Variants in ABI3BP observed in about 807,000 individuals in gnomAD.
ABI3BP encodes the protein ABI family member 3 binding protein.
In ABI3BP, 216 loss-of-function variants were observed where a neutral mutation model predicts 268.6. The observed-to-expected ratio is 0.80, with a 90% CI of 0.72 to 0.90. The LOEUF (loss-of-function observed/expected upper bound fraction) is 0.90. Ranked by LOEUF, ABI3BP falls within the 40% of genes least tolerant of loss-of-function variation. ABI3BP has a pLI of 0.00. For synonymous variants in ABI3BP, 730 were observed against 730.0 expected, an observed-to-expected ratio of 1.00 and a Z score of 0.00; for missense variants, 2,090 against 2,182.4, an observed-to-expected ratio of 0.96 and a Z score of 0.84.
intron 1 of ABI3BP, among the ~76,000 whole-genome samples, chr3:100,931,338 T>TATGGAAAG (rs2063556759): frequency 6.6e-6 from 1 of 151,134 alleles, no homozygotes; most frequent in Non-Finnish European, 1.5e-5. Flanking sequence ...ACTGGAAGTC[T>TATGGAAAG]TAGCTAGAGC....
intron 1 of ABI3BP, among the ~76,000 whole-genome samples, chr3:100,949,718 A>G (rs1273749918): frequency 6.6e-6 from 1 of 152,176 alleles, no homozygotes; most frequent in Non-Finnish European, 1.5e-5. Context: ...ATTGTTTGTG[A>G]GATCATTGCT....
chr3:100,765,708 A>T, intron 63 of ABI3BP, 133 bp downstream of exon 63: 1 of 675,110 alleles, frequency 1.5e-6, no homozygotes, highest in Non-Finnish European at 2.6e-6. Flanking sequence ...AGTGCTATAT[A>T]TAGAAAACCC....
At chr3:100,841,876 C>T (rs558354913) in intron 21 of ABI3BP, 122 bp downstream of exon 21, 18 of 819,572 alleles carry the variant, frequency 2.2e-5, no homozygotes, top group Admixed American at 1.2e-4. Flanking sequence ...GGCAAAAAAA[C>T]GAGAGTGAAA....
intron 55 of ABI3BP, 89 bp downstream of exon 55, chr3:100,792,601 GT>G (rs1317487930): frequency 3.0e-6 from 4 of 1,322,056 alleles, no homozygotes; most frequent in Non-Finnish European, 4.3e-6. Flanking sequence ...AATCCACTGT[GT>G]TGAGAAATGA....
chr3:100,789,570 A>G (rs772801985), intron 55 of ABI3BP, 54 bp from the exon 56 acceptor site: 10 of 1,525,488 alleles, frequency 6.6e-6, no homozygotes, highest in East Asian at 2.4e-5. Flanking sequence ...AGCCTCCTGA[A>G]TGGAGATTTA....
chr3:100,778,205 C>T, intron 59 of ABI3BP, 79 bp downstream of exon 59: 1 of 1,394,208 alleles, frequency 7.2e-7, no homozygotes, highest in Non-Finnish European at 1.0e-6. Context: ...GTGCCTGTTG[C>T]TAGCACGCCA....
intron 1 of ABI3BP, among the ~76,000 whole-genome samples, chr3:100,934,215 G>A (rs1417300203): frequency 1.3e-5 from 2 of 151,334 alleles, no homozygotes; most frequent in African/African-American, 4.9e-5. Context: ...TCCCACTTAT[G>A]ATTGAGAAAA....
chr3:100,830,699 T>C, intron 31 of ABI3BP, 65 bp from the exon 32 acceptor site: 1 of 1,332,470 alleles, frequency 7.5e-7, no homozygotes, highest in Non-Finnish European at 1.0e-6. Flanking sequence ...GGAACATTCA[T>C]CTTACCACCA....
intron 48 of ABI3BP, among the ~76,000 whole-genome samples, chr3:100,810,843 T>C (rs577748406): frequency 4.5e-4 from 69 of 152,226 alleles, no homozygotes; most frequent in Admixed American, 4.1e-3. Context: ...CAAATATAAA[T>C]AACTGTGATG....
intron 7 of ABI3BP, 130 bp from the exon 8 acceptor site, chr3:100,875,709 G>A: frequency 1.5e-6 from 1 of 670,116 alleles, no homozygotes; most frequent in Non-Finnish European, 2.7e-6. Flanking sequence ...CAACTCAGTG[G>A]CCTGGCTATA....
At chr3:100,799,533 G>T (rs2097458160) in intron 51 of ABI3BP, among the ~76,000 whole-genome samples, 1 of 152,156 alleles carries the variant, frequency 6.6e-6, no homozygotes, top group Admixed American at 6.6e-5. Context: ...GTTTCAGAGA[G>T]TGGGATTCTG....
chr3:100,811,207 G>A, intron 48 of ABI3BP, 23 bp downstream of exon 48: 1 of 1,528,630 alleles, frequency 6.5e-7, no homozygotes, highest in Non-Finnish European at 8.8e-7. Flanking sequence ...GAGCACCCAG[G>A]GTTGGGCTAC....
intron 40 of ABI3BP, among the ~76,000 whole-genome samples, chr3:100,819,671 G>T (rs1198703990): frequency 2.6e-5 from 4 of 152,040 alleles, no homozygotes; most frequent in African/African-American, 9.7e-5. Context: ...TAAATAAGAG[G>T]CCGGGCGTGG....
intron 63 of ABI3BP, among the ~76,000 whole-genome samples, chr3:100,765,353 T>A (rs939093859): frequency 6.6e-6 from 1 of 152,210 alleles, no homozygotes; most frequent in Non-Finnish European, 1.5e-5. Context: ...ATTTTATCCA[T>A]GATAAAAGGT....
intron 14 of ABI3BP, among the ~76,000 whole-genome samples, chr3:100,859,945 G>A (rs907156546): frequency 5.9e-5 from 9 of 152,276 alleles, no homozygotes; most frequent in Non-Finnish European, 1.2e-4. Context: ...GGTGGCAGGT[G>A]CCTGTAGTCT....
chr3:100,893,117 C>G (rs2045552405), intron 4 of ABI3BP, among the ~76,000 whole-genome samples: 1 of 152,210 alleles, frequency 6.6e-6, no homozygotes. Flanking sequence ...TCTGAGTCTT[C>G]TAGCTTCCAT....
chr3:100,988,569 T>G (rs529429467), intron 1 of ABI3BP, among the ~76,000 whole-genome samples: 165 of 152,238 alleles, frequency 1.1e-3, no homozygotes, highest in Non-Finnish European at 1.5e-3. Context: ...TCTATTTGGG[T>G]TTCTTATTCT....
intron 2 of ABI3BP, among the ~76,000 whole-genome samples, chr3:100,907,976 C>T (rs1008723297): frequency 2.0e-5 from 3 of 151,856 alleles, no homozygotes; most frequent in Admixed American, 6.6e-5. Flanking sequence ...ATTAGCCGGG[C>T]GTGGTGGTGG....
intron 55 of ABI3BP, among the ~76,000 whole-genome samples, chr3:100,790,561 A>C (rs1442990641): frequency 6.6e-6 from 1 of 152,008 alleles, no homozygotes; most frequent in Non-Finnish European, 1.5e-5. Context: ...CAATGTAAAG[A>C]CTGTGATGAG....
Sources: gnomAD v4.1 joint callset for allele counts (sites outside exome capture counted in the v4.1 genomes callset) on GRCh38, gnomAD v4.1.1 for gene constraint, MANE v1.5 for transcripts, NCBI Gene and HGNC (gene_info 2026-07-23, HGNC 2026-07-21) for gene names.